Variants in SH3BP5 observed in about 807,000 individuals in gnomAD.
SH3BP5 encodes SH3 domain binding protein 5.
A neutral mutation model predicts 43.3 loss-of-function variants in SH3BP5; 22 were observed. The observed-to-expected ratio is 0.51, with a 90% CI of 0.36 to 0.73. The LOEUF (loss-of-function observed/expected upper bound fraction) is 0.73. Ranked by LOEUF, SH3BP5 falls within the 30% of genes least tolerant of loss-of-function variation. The pLI is 0.00. For missense variants in SH3BP5, 529 were observed against 586.9 expected (o/e 0.90, Z 1.02); for synonymous variants, 255 against 225.8 (o/e 1.13, Z -1.16).
At chr3:15,259,960 C>G in intron 5 of SH3BP5, 157 bp from the exon 6 acceptor site, 1 of 680,334 alleles carries the variant, frequency 1.5e-6, no homozygotes, top group South Asian at 1.8e-5. Context: ...AGTGATGCTC[C>G]TAGCTCTGGA....
chr3:15,327,555 T>A (rs1341068441), intron 2 of SH3BP5, among the ~76,000 whole-genome samples: 1 of 152,238 alleles, frequency 6.6e-6, no homozygotes, highest in East Asian at 1.9e-4. Flanking sequence ...TGCTCAGGTG[T>A]CCTCCAGCAG....
upstream of SH3BP5, among the ~76,000 whole-genome samples, chr3:15,337,194 C>T (rs909030015): frequency 1.4e-5 from 2 of 145,994 alleles, no homozygotes; most frequent in Non-Finnish European, 3.0e-5. Context: ...AAGCTATTCT[C>T]CTGCCTCAGC....
In SH3BP5 at chr3:15,256,280, T is replaced by C. The variant is rs116459865; in HGVS notation, c.1174A>G (p.Asn392Asp). 10,713 of 1,614,204 alleles carry C rather than the reference T, an allele frequency of 6.6e-3. 43 individuals carry two copies. The highest frequency in any genetic ancestry group is 8.4e-3 in the Non-Finnish European group (9,907 of 1,180,018). Residue 392 changes from asparagine to aspartate, a missense_variant, in exon 9 of 9, where the codon AAT becomes GAT. Physicochemically the swap from Asn to Asp is conservative, Grantham distance 23. This residue lies in a region of SH3BP5 where 369 missense variants were observed against 384.3 expected (regional missense o/e 0.96). Transcript: ENST00000383791. Reference sequence around the variant, plus strand: ...TTGTTGGCTTTGTCACTTGTTTTATTCTCTGCCCCTTCTGCCCTGTCTCCT... The same window carrying C: ...TTGTTGGCTTTGTCACTTGTTTTATCCTCTGCCCCTTCTGCCCTGTCTCCT... ...ERGDRAEGAE[N>D]KTSDKANNNR...
At chr3:15,259,472 A>C (rs1201620958) in intron 6 of SH3BP5, 4 of 556,356 alleles carry the variant, frequency 7.2e-6, no homozygotes, top group Non-Finnish European at 1.3e-5. Context: ...CTAGAGTGGG[A>C]CCTGGTCTAT....
intron 1 of SH3BP5, among the ~76,000 whole-genome samples, chr3:15,339,440 G>A (rs1232995091): frequency 2.6e-5 from 4 of 152,104 alleles, no homozygotes; most frequent in Admixed American, 6.5e-5. Flanking sequence ...GCCCAGGTGC[G>A]GTGGCTCACA....
chr3:15,329,460 C>T (rs1009763706), intron 2 of SH3BP5, among the ~76,000 whole-genome samples: 3 of 152,188 alleles, frequency 2.0e-5, no homozygotes, highest in Non-Finnish European at 2.9e-5. Flanking sequence ...TGTATACCTA[C>T]GATGGAAATG....
chr3:15,290,657 C>T (rs373811880), intron 3 of SH3BP5, among the ~76,000 whole-genome samples: 1 of 151,954 alleles, frequency 6.6e-6, no homozygotes, highest in East Asian at 1.9e-4. Flanking sequence ...TGAGATCGTG[C>T]CACTGCGCTC....
intron 3 of SH3BP5, among the ~76,000 whole-genome samples, chr3:15,275,433 A>G (rs1241542832): frequency 6.6e-6 from 1 of 152,188 alleles, no homozygotes; most frequent in African/African-American, 2.4e-5. Flanking sequence ...ATAACATTTT[A>G]CCTTCACATC....
intron 2 of SH3BP5, among the ~76,000 whole-genome samples, chr3:15,323,127 CAAATAAATAAAT>C (rs141252585): frequency 2.2e-4 from 32 of 146,180 alleles, no homozygotes; most frequent in Non-Finnish European, 2.2e-4. Context: ...GACCCTGTCT[CAAATAAATAAAT>C]AAATAAATAA....
At position 15,290,947 on chromosome 3, in the gene SH3BP5, G is replaced by C. The variant is rs4277663; in HGVS notation, c.330+13156C>G. 9.5e-3 allele frequency among the ~76,000 whole-genome samples: 1,440 copies of C among 152,176 alleles called. 21 individuals carry two copies. The highest frequency in any genetic ancestry group is 0.032 in the African/African-American group (1,337 of 41,506). On this transcript the variant is annotated intron_variant, in intron 3 of 8. Transcript: ENST00000383791. ...ACAGGAAGTGGCTGGAGAAGACAGGGGAAGACACAGCTGAGGAACCCACAT... is the reference window on the plus strand; with the variant it reads ...ACAGGAAGTGGCTGGAGAAGACAGGCGAAGACACAGCTGAGGAACCCACAT...
intron 7 of SH3BP5, chr3:15,257,458 A>C: frequency 4.5e-6 from 1 of 219,936 alleles, no homozygotes; most frequent in Non-Finnish European, 9.1e-6. Flanking sequence ...ATACATCCTC[A>C]TGTGCACAGG....
At chr3:15,259,853 ACAGT>A (rs1171250944) in intron 5 of SH3BP5, 50 bp from the exon 6 acceptor site, 2 of 1,547,558 alleles carry the variant, frequency 1.3e-6, no homozygotes, top group African/African-American at 1.4e-5. Context: ...TACAGTGACC[ACAGT>A]CAACTCCACA....
intron 3 of SH3BP5, among the ~76,000 whole-genome samples, chr3:15,285,516 T>A (rs1575310339): frequency 6.6e-6 from 1 of 152,188 alleles, no homozygotes; most frequent in East Asian, 1.9e-4. Context: ...GTTTCTGTAC[T>A]TCTTTTGTCA....
At chr3:15,256,743 G>C (rs760482684) in intron 8 of SH3BP5, 110 bp downstream of exon 8, 1 of 1,251,730 alleles carries the variant, frequency 8.0e-7, no homozygotes, top group Non-Finnish European at 1.1e-6. Context: ...ACAGAGACCT[G>C]GTAATGCAGC....
intron 2 of SH3BP5, among the ~76,000 whole-genome samples, chr3:15,314,269 T>C (rs1440167014): frequency 6.6e-6 from 1 of 152,002 alleles, no homozygotes; most frequent in Non-Finnish European, 1.5e-5. Flanking sequence ...TGCGTGTGGC[T>C]AGTGGCTGCC....
intron 4 of SH3BP5, among the ~76,000 whole-genome samples, chr3:15,266,250 T>G (rs1371588216): frequency 1.3e-5 from 2 of 152,202 alleles, no homozygotes; most frequent in African/African-American, 4.8e-5. Context: ...TTCTTCCCAC[T>G]GTGTGGAAGG....
At chr3:15,278,737 T>C (rs549936176) in intron 3 of SH3BP5, among the ~76,000 whole-genome samples, 6 of 152,242 alleles carry the variant, frequency 3.9e-5, no homozygotes, top group Non-Finnish European at 8.8e-5. Context: ...ATTATTCTCC[T>C]GAGGATTGAT....
chr3:15,295,160 C>T (rs190588965), intron 3 of SH3BP5, among the ~76,000 whole-genome samples: 7 of 152,138 alleles, frequency 4.6e-5, no homozygotes, highest in South Asian at 2.1e-4. Context: ...CATGGTTCAG[C>T]GCACTAACAA....
intron 3 of SH3BP5, among the ~76,000 whole-genome samples, chr3:15,295,694 G>A (rs1240281154): frequency 6.6e-6 from 1 of 152,170 alleles, no homozygotes; most frequent in African/African-American, 2.4e-5. Flanking sequence ...TTGCCAATCT[G>A]AACATGAGTT....
Sources: gnomAD v4.1 joint callset for allele counts (sites outside exome capture counted in the v4.1 genomes callset) on GRCh38, gnomAD v4.1.1 for gene constraint, gnomAD v4.1.1 regional missense constraint, MANE v1.5 for transcripts, NCBI Gene and HGNC (gene_info 2026-07-23, HGNC 2026-07-21) for gene names.